CWH43: variants seen among roughly 807,000 people sequenced by gnomAD.
The protein encoded by CWH43 is PGAP2-interacting protein.
In CWH43, 91 loss-of-function variants were observed where a neutral mutation model predicts 85.7. The ratio of observed to expected loss-of-function variants is 1.06; its 90% confidence interval spans 0.90 to 1.26. CWH43 has a LOEUF of 1.26. Ranked by LOEUF, CWH43 falls within the 50% of genes most tolerant of loss-of-function variation. The pLI is 0.00. For missense variants in CWH43, 869 were observed against 839.2 expected (o/e 1.04, Z -0.44); for synonymous variants, 323 against 293.6 (o/e 1.10, Z -1.02).
intron 3 of CWH43, 39 bp from the exon 4 acceptor site, chr4:48,991,897 C>T (rs749693620): frequency 2.6e-5 from 41 of 1,548,476 alleles, no homozygotes; most frequent in Middle Eastern, 1.9e-4. Context: ...TACATTGAGT[C>T]CACATAAAAA....
intron 12 of CWH43, among the ~76,000 whole-genome samples, chr4:49,036,025 G>A (rs1784250746): frequency 6.6e-6 from 1 of 152,160 alleles, no homozygotes; most frequent in Admixed American, 6.6e-5. Flanking sequence ...CTAGTTAACA[G>A]TGGGGAATCA....
At chr4:49,039,894 C>A (rs1036546872) in intron 13 of CWH43, among the ~76,000 whole-genome samples, 1 of 151,986 alleles carries the variant, frequency 6.6e-6, no homozygotes, top group South Asian at 2.1e-4. Flanking sequence ...ATCCCTCCCC[C>A]GTCCCCACAC....
At chr4:49,052,857 G>A (rs1238906536) in intron 15 of CWH43, among the ~76,000 whole-genome samples, 1 of 152,070 alleles carries the variant, frequency 6.6e-6, no homozygotes, top group Non-Finnish European at 1.5e-5. Context: ...ATTAACTATA[G>A]TCACAATGCT....
Position 49,030,907 on chromosome 4 carries a change from A to G in CWH43, c.1455A>G (p.Glu485=). 1.2e-6 allele frequency: 2 copies of G among 1,611,408 alleles called. No homozygotes were observed. The highest frequency in any genetic ancestry group is 1.7e-6 in the Non-Finnish European group (2 of 1,178,938). Residue 485 remains glutamate (E), a synonymous_variant, in exon 11 of 16, where the codon GAA becomes GAG. Transcript: ENST00000226432. ...ATGACTTAACCATGTGGCTAGGGGA[A>G]AAGTTGGGTTTCTATACAGACTTTG... ...GNNDLTMWLG[E]KLGFYTDFGP...
rs1409089098 is a variant in CWH43 at position 49,016,425 on chromosome 4, T to C, written c.1187-824T>C. Among the ~76,000 whole-genome samples the C allele has an allele frequency of 7.2e-5, 11 of 152,050 alleles. 1 individual carries two copies. The highest frequency in any genetic ancestry group is 5.9e-4 in the Admixed American group (9 of 15,248). ...GTAAGAAGGGAGAGGATGGTTTATC[T>C]CCTGCCTTCACTGGGGCCTAGGGGA... On this transcript the variant is annotated intron_variant, in intron 8 of 15. Coordinates refer to ENST00000226432, the MANE Select transcript of CWH43 (RefSeq NM_025087.3).
intron 9 of CWH43, among the ~76,000 whole-genome samples, chr4:49,019,658 C>G (rs1197834457): frequency 6.6e-6 from 1 of 152,030 alleles, no homozygotes; most frequent in African/African-American, 2.4e-5. Flanking sequence ...CGTTTCCCTG[C>G]AACCTCTGCC....
intron 5 of CWH43, among the ~76,000 whole-genome samples, chr4:48,995,660 T>C (rs1782789403): frequency 6.6e-6 from 1 of 152,136 alleles, no homozygotes; most frequent in South Asian, 2.1e-4. Context: ...TCTTCCCCCA[T>C]TCCCAGGTCC....
intron 15 of CWH43, among the ~76,000 whole-genome samples, chr4:49,061,347 C>T (rs1222984021): frequency 6.6e-6 from 1 of 152,090 alleles, no homozygotes; most frequent in African/African-American, 2.4e-5. Flanking sequence ...AGCTTTCTTC[C>T]TAGTGTCTTT....
chr4:49,021,409 A>G (rs574744714), intron 9 of CWH43, among the ~76,000 whole-genome samples: 3 of 152,278 alleles, frequency 2.0e-5, no homozygotes, highest in South Asian at 2.1e-4. Flanking sequence ...CCATTGGTCT[A>G]TATGCCTTTT....
chr4:49,003,516 T>C, intron 6 of CWH43: 1 of 507,554 alleles, frequency 2.0e-6, no homozygotes, highest in Non-Finnish European at 3.5e-6. Context: ...AGCAGTGAAC[T>C]GAGATTTACT....
chr4:48,999,430 G>T (rs1164601970), intron 6 of CWH43, among the ~76,000 whole-genome samples: 1 of 152,200 alleles, frequency 6.6e-6, no homozygotes, highest in Non-Finnish European at 1.5e-5. Flanking sequence ...ATTCCTTTGG[G>T]TACATACCCA....
chr4:49,034,394 CT>C (rs1784199370), intron 12 of CWH43, among the ~76,000 whole-genome samples: 1 of 152,114 alleles, frequency 6.6e-6, no homozygotes, highest in Non-Finnish European at 1.5e-5. Flanking sequence ...CTTTAACTCT[CT>C]CCAATATATC....
intron 12 of CWH43, among the ~76,000 whole-genome samples, chr4:49,037,727 G>A (rs763739269): frequency 2.4e-4 from 37 of 152,132 alleles, no homozygotes; most frequent in Non-Finnish European, 4.7e-4. Flanking sequence ...GAGTTATCAC[G>A]TTAGTGATTT....
At chr4:49,050,068 GA>G (rs1176510626) in intron 14 of CWH43, among the ~76,000 whole-genome samples, 7 of 152,188 alleles carry the variant, frequency 4.6e-5, no homozygotes, top group Middle Eastern at 3.2e-3. Flanking sequence ...ATAAATGAAT[GA>G]CTGAAGCTGA....
intron 15 of CWH43, among the ~76,000 whole-genome samples, chr4:49,057,040 T>A (rs73152004): frequency 1.1e-3 from 161 of 152,348 alleles, no homozygotes; most frequent in African/African-American, 3.8e-3. Context: ...CTTGAATTTG[T>A]TAAGGCTTGT....
chr4:49,054,020 G>GTT (rs1784879455), intron 15 of CWH43, among the ~76,000 whole-genome samples: 1 of 152,118 alleles, frequency 6.6e-6, no homozygotes, highest in Admixed American at 6.6e-5. Context: ...TAGTTCGATA[G>GTT]AATCCCATTT....
intron 15 of CWH43, among the ~76,000 whole-genome samples, chr4:49,057,492 A>C (rs1206465393): frequency 6.6e-6 from 1 of 152,238 alleles, no homozygotes; most frequent in African/African-American, 2.4e-5. Context: ...GGTTTGCCCT[A>C]AGCGGTTCCC....
intron 4 of CWH43, 82 bp from the exon 5 acceptor site, chr4:48,994,537 T>C: frequency 8.5e-7 from 1 of 1,169,758 alleles, no homozygotes; most frequent in Non-Finnish European, 1.3e-6. Context: ...TACCATTTCT[T>C]CCTTGCTAAA....
At position 49,032,634 on chromosome 4, in the gene CWH43, A is replaced by G. The variant is rs1417322759; in HGVS notation, c.1577A>G (p.Glu526Gly). Residue 526 changes from glutamate to glycine, a missense_variant, in exon 12 of 16, where the codon GAG becomes GGG. Glu to Gly is a moderately conservative substitution (Grantham distance 98). This residue lies in a region of CWH43 where 577 missense variants were observed against 513.1 expected (regional missense o/e 1.12). Coordinates refer to ENST00000226432, the MANE Select transcript of CWH43 (RefSeq NM_025087.3). The stretch of plus-strand genomic sequence containing the variant: ...CACCTTCTTCCGTCACCAGAGGGCG[A>G]GATCGCACCAGCCATCACATTGACC... ...EHHLLPSPEG[E>G]IAPAITLTVN... The G allele has an allele frequency of 6.2e-7, 1 of 1,614,096 alleles. No individual in the cohort carries two copies. The highest frequency in any genetic ancestry group is 8.5e-7 in the Non-Finnish European group (1 of 1,179,964).
Sources: gnomAD v4.1 joint callset for allele counts (sites outside exome capture counted in the v4.1 genomes callset) on GRCh38, gnomAD v4.1.1 for gene constraint, gnomAD v4.1.1 regional missense constraint, MANE v1.5 for transcripts, NCBI Gene and HGNC (gene_info 2026-07-23, HGNC 2026-07-21) for gene names.